The following GALNT13 variants were observed in gnomAD, a reference collection of about 807,000 sequenced individuals.
The protein encoded by GALNT13 is UDP-GalNAc:polypeptide N-acetylgalactosaminyltransferase 13.
In GALNT13, 28 loss-of-function variants were observed where a neutral mutation model predicts 64.2. The observed-to-expected ratio is 0.44, with a 90% CI of 0.32 to 0.60. The LOEUF (loss-of-function observed/expected upper bound fraction) is 0.60. Among genes scored for constraint, GALNT13 ranks in the 20% least tolerant of loss-of-function variants. The probability of loss-of-function intolerance (pLI) is 0.05; values close to 1 mark genes in which losing one functional copy is unlikely to be tolerated. For synonymous variants in GALNT13, 214 were observed against 224.6 expected (o/e 0.95, Z 0.42); for missense variants, 577 against 669.8 (o/e 0.86, Z 1.53).
At chr2:153,816,124 G>A in the GALNT13 span, among the ~76,000 whole-genome samples, 1 of 152,278 alleles carries the variant, frequency 6.6e-6, no homozygotes, top group Non-Finnish European at 1.5e-5. Context: ...TGTGATTGTC[G>A]TTATAAGTTC....
At chr2:154,437,612 T>A (rs1309073869) in intron 11 of GALNT13, 1 of 1,047,794 alleles carries the variant, frequency 9.5e-7, no homozygotes, top group Non-Finnish European at 1.3e-6. Flanking sequence ...ATCCCAGCAC[T>A]TTGGGAGGCC....
chr2:153,618,482 T>C, the GALNT13 span, among the ~76,000 whole-genome samples: 9 of 151,774 alleles, frequency 5.9e-5, no homozygotes, highest in Non-Finnish European at 1.2e-4. Context: ...TTGAGGAAAA[T>C]AATGTGTATT....
At chr2:153,412,995 A>G in the GALNT13 span, among the ~76,000 whole-genome samples, 1 of 152,218 alleles carries the variant, frequency 6.6e-6, no homozygotes, top group Non-Finnish European at 1.5e-5. Context: ...TAGGTAAATT[A>G]TAGGAAGACC....
the GALNT13 span, among the ~76,000 whole-genome samples, chr2:153,646,416 G>T: frequency 6.6e-6 from 1 of 150,544 alleles, no homozygotes; most frequent in South Asian, 2.1e-4. Context: ...TGAACTCTGT[G>T]CAAGTATTGA....
the GALNT13 span, among the ~76,000 whole-genome samples, chr2:153,346,571 C>A: frequency 6.6e-6 from 1 of 151,980 alleles, no homozygotes; most frequent in Non-Finnish European, 1.5e-5. Context: ...CAAGGCCTTA[C>A]CTGAAAACAT....
At chr2:153,182,363 G>A in the GALNT13 span, among the ~76,000 whole-genome samples, 6 of 152,070 alleles carry the variant, frequency 3.9e-5, no homozygotes, top group Admixed American at 2.0e-4. Flanking sequence ...TTTTCTTAAC[G>A]GTGTTTCTTT....
chr2:154,045,983 G>A (rs920755294), intron 3 of GALNT13, among the ~76,000 whole-genome samples: 4 of 149,080 alleles, frequency 2.7e-5, no homozygotes, highest in African/African-American at 7.4e-5. Flanking sequence ...TTTTTTTTCC[G>A]ATCTAGTGGA....
chr2:154,016,654 G>C (rs1697027665), intron 3 of GALNT13, among the ~76,000 whole-genome samples: 1 of 152,046 alleles, frequency 6.6e-6, no homozygotes, highest in South Asian at 2.1e-4. Context: ...CTGACCTCAT[G>C]ATCCGCCTGC....
At chr2:153,648,856 G>A in the GALNT13 span, among the ~76,000 whole-genome samples, 1 of 152,260 alleles carries the variant, frequency 6.6e-6, no homozygotes. Flanking sequence ...TGTGTTGCTG[G>A]ATTCGGTTTG....
the GALNT13 span, chr2:153,421,987 C>CAAA: frequency 6.5e-6 from 1 of 153,786 alleles, no homozygotes; most frequent in Non-Finnish European, 1.5e-5. Flanking sequence ...AAGCAAAAGT[C>CAAA]AGAAGATACT....
chr2:153,149,413 C>G, the GALNT13 span, among the ~76,000 whole-genome samples: 1 of 151,846 alleles, frequency 6.6e-6, no homozygotes, highest in African/African-American at 2.4e-5. Flanking sequence ...TCACTACCAA[C>G]AGAATGAGTT....
At chr2:153,932,626 CTTTTT>C (rs34617568) in intron 2 of GALNT13, among the ~76,000 whole-genome samples, 1 of 95,652 alleles carries the variant, frequency 1.0e-5, no homozygotes. Context: ...TTCTGTCTTT[CTTTTT>C]TTTTTTTTTT....
chr2:153,347,464 A>G, the GALNT13 span, among the ~76,000 whole-genome samples: 3 of 152,214 alleles, frequency 2.0e-5, no homozygotes, highest in African/African-American at 7.2e-5. Flanking sequence ...CAACTGTAAG[A>G]CATTAAAACC....
chr2:154,138,185 A>G (rs1315244464), intron 3 of GALNT13, among the ~76,000 whole-genome samples: 1 of 152,060 alleles, frequency 6.6e-6, no homozygotes, highest in Admixed American at 6.6e-5. Context: ...CTGACAATTT[A>G]TTATTCTTTG....
chr2:154,450,396 G>GT lies in GALNT13; in HGVS notation c.1531-15_1531-14insT. Reference sequence around the variant, plus strand: ...GACGAAATAAGCTGCACTGATTATTGGTTATCTTTTACAGAGACTCACGTT... The same window carrying GT: ...GACGAAATAAGCTGCACTGATTATTGTGTTATCTTTTACAGAGACTCACGTT... On this transcript the variant is annotated splice_polypyrimidine_tract_variant and intron_variant, in intron 12 of 12. Transcript: ENST00000392825. 6.2e-7 allele frequency: 1 copy of GT among 1,602,030 alleles called. No individual in the cohort carries two copies. Among genetic ancestry groups the GT allele is most frequent in the Non-Finnish European group, 8.5e-7 (1 of 1,174,732 alleles).
chr2:153,803,124 T>C, the GALNT13 span, among the ~76,000 whole-genome samples: 2 of 152,192 alleles, frequency 1.3e-5, no homozygotes, highest in African/African-American at 4.8e-5. Context: ...GTGCCACTGG[T>C]AAGCTCAGTG....
At chr2:154,124,722 A>T (rs759536910) in intron 3 of GALNT13, among the ~76,000 whole-genome samples, 50 of 152,090 alleles carry the variant, frequency 3.3e-4, no homozygotes, top group Non-Finnish European at 5.7e-4. Flanking sequence ...TATTAGAGAC[A>T]TTTTAAATCA....
At chr2:154,043,455 T>TATATACACATACAC (rs1341373277) in intron 3 of GALNT13, among the ~76,000 whole-genome samples, 15 of 104,996 alleles carry the variant, frequency 1.4e-4, no homozygotes, top group Non-Finnish European at 2.5e-4. Context: ...TATATATATA[T>TATATACACATACAC]ACACACATGT....
the GALNT13 span, among the ~76,000 whole-genome samples, chr2:153,356,786 CCTCTTTTTTTTTTT>C: frequency 8.2e-4 from 27 of 32,808 alleles, 1 homozygote; most frequent in African/African-American, 1.9e-3. Flanking sequence ...TTTTCTTCTT[CCTCTTTTTTTTTTT>C]TTTTTTTTTT....
Sources: allele counts gnomAD v4.1 joint callset (sites outside exome capture counted in the v4.1 genomes callset), GRCh38; gene constraint gnomAD v4.1.1; transcripts MANE v1.5; gene names NCBI Gene and HGNC (gene_info 2026-07-23, HGNC 2026-07-21).